The following NAALADL2 variants were observed in gnomAD, a reference collection of about 807,000 sequenced individuals.
NAALADL2 encodes the protein inactive N-acetylated-alpha-linked acidic dipeptidase-like protein 2.
A neutral mutation model predicts 87.2 loss-of-function variants in NAALADL2; 76 were observed. The ratio of observed to expected loss-of-function variants is 0.87; its 90% CI spans 0.72 to 1.05. The LOEUF is 1.05. Among genes scored for constraint, NAALADL2 ranks in the 50% least tolerant of loss-of-function variants. The pLI is 0.00. For missense variants in NAALADL2, 1,089 were observed against 945.8 expected (o/e 1.15, Z -1.99); for synonymous variants, 354 against 331.0 (o/e 1.07, Z -0.75).
intron 1 of NAALADL2, among the ~76,000 whole-genome samples, chr3:174,519,031 T>C (rs188303653): frequency 6.6e-6 from 1 of 152,318 alleles, no homozygotes; most frequent in East Asian, 1.9e-4. Flanking sequence ...TCTCTCTGTA[T>C]TTCTTTATCT....
At chr3:174,674,762 G>T (rs1384868720) in intron 2 of NAALADL2, among the ~76,000 whole-genome samples, 1 of 151,742 alleles carries the variant, frequency 6.6e-6, no homozygotes, top group East Asian at 1.9e-4. Flanking sequence ...CTCTTTGTAT[G>T]TTTTTTTCTG....
At chr3:175,489,854 T>C (rs1032066659) in intron 9 of NAALADL2, among the ~76,000 whole-genome samples, 6 of 152,202 alleles carry the variant, frequency 3.9e-5, no homozygotes, top group African/African-American at 1.4e-4. Context: ...ATGAAACTAC[T>C]GTAAGTAGAA....
chr3:175,447,875 G>T (rs540458580), intron 6 of NAALADL2, among the ~76,000 whole-genome samples: 1 of 152,172 alleles, frequency 6.6e-6, no homozygotes, highest in Non-Finnish European at 1.5e-5. Context: ...GTTGGACCAC[G>T]TAGGATGAAA....
chr3:175,645,799 C>T lies in NAALADL2; in HGVS notation c.1896+18413C>T, dbSNP rs74715961. 1.6e-3 allele frequency among the ~76,000 whole-genome samples: 240 copies of T among 152,188 alleles called. 3 individuals are homozygous for T. The East Asian group carries it at 0.032, about 20-fold the overall frequency. ...TGAGATAGAAAGCAAGTTTCCAAGA[C>T]AGTGTGAAAGGGTTCTAAAAACCAA... On this transcript the variant is annotated intron_variant, in intron 11 of 13. Transcript: ENST00000454872.
intron 1 of NAALADL2, among the ~76,000 whole-genome samples, chr3:175,046,839 A>G (rs1232696670): frequency 6.6e-6 from 1 of 152,200 alleles, no homozygotes; most frequent in Non-Finnish European, 1.5e-5. Flanking sequence ...AGTGAAAGCC[A>G]GCAACCTAGA....
At chr3:175,666,544 A>G (rs918142913) in intron 11 of NAALADL2, among the ~76,000 whole-genome samples, 4 of 152,152 alleles carry the variant, frequency 2.6e-5, no homozygotes, top group African/African-American at 7.2e-5. Context: ...CCAGGCACCA[A>G]TATAACATGA....
chr3:175,339,799 T>C (rs1762394885), intron 5 of NAALADL2, among the ~76,000 whole-genome samples: 1 of 152,096 alleles, frequency 6.6e-6, no homozygotes, highest in Non-Finnish European at 1.5e-5. Context: ...GGATAGACAC[T>C]ATGTTCAGAG....
intron 10 of NAALADL2, among the ~76,000 whole-genome samples, chr3:175,609,816 C>A (rs192121584): frequency 6.6e-6 from 1 of 152,096 alleles, no homozygotes; most frequent in African/African-American, 2.4e-5. Flanking sequence ...GTATTGTGAA[C>A]GACTTGCAGT....
chr3:174,573,073 C>T (rs921571346), intron 2 of NAALADL2, among the ~76,000 whole-genome samples: 5 of 152,088 alleles, frequency 3.3e-5, no homozygotes, highest in Non-Finnish European at 7.4e-5. Flanking sequence ...AGATTACCAC[C>T]GCATCACTAC....
intron 11 of NAALADL2, among the ~76,000 whole-genome samples, chr3:175,654,043 T>C (rs1404094632): frequency 6.6e-6 from 1 of 152,196 alleles, no homozygotes; most frequent in Non-Finnish European, 1.5e-5. Flanking sequence ...CATGGGCTGA[T>C]TGTTGTACAA....
At chr3:175,468,466 A>G (rs1582016944) in intron 8 of NAALADL2, among the ~76,000 whole-genome samples, 1 of 152,226 alleles carries the variant, frequency 6.6e-6, no homozygotes, top group East Asian at 1.9e-4. Flanking sequence ...AGTTTAGGGA[A>G]TATGTTTGTA....
At chr3:175,145,722 T>G (rs192077978) in intron 2 of NAALADL2, among the ~76,000 whole-genome samples, 1 of 152,062 alleles carries the variant, frequency 6.6e-6, no homozygotes, top group Admixed American at 6.6e-5. Context: ...CAAAACTAAA[T>G]GCTTTCTACT....
intron 5 of NAALADL2, among the ~76,000 whole-genome samples, chr3:175,404,938 A>G (rs1348311043): frequency 1.3e-5 from 2 of 152,114 alleles, no homozygotes; most frequent in South Asian, 4.1e-4. Context: ...AAATATTTTA[A>G]TTTTATTATC....
At chr3:174,552,956 A>T (rs1176295233) in intron 2 of NAALADL2, among the ~76,000 whole-genome samples, 1 of 152,154 alleles carries the variant, frequency 6.6e-6, no homozygotes, top group South Asian at 2.1e-4. Flanking sequence ...CTATAGACAT[A>T]TGTTACACGT....
intron 1 of NAALADL2, among the ~76,000 whole-genome samples, chr3:175,046,476 G>A (rs1393245207): frequency 3.3e-5 from 5 of 151,960 alleles, no homozygotes; most frequent in Non-Finnish European, 7.4e-5. Context: ...TAATATGAAT[G>A]TCTGGTTTAT....
intron 3 of NAALADL2, among the ~76,000 whole-genome samples, chr3:174,832,049 CA>C (rs1159564552): frequency 1.3e-5 from 2 of 151,922 alleles, no homozygotes; most frequent in African/African-American, 4.8e-5. Context: ...TTGATCCTTT[CA>C]AAAAACCAGC....
At chr3:174,997,061 T>A (rs866417654) in intron 1 of NAALADL2, among the ~76,000 whole-genome samples, 2,456 of 146,344 alleles carry the variant, frequency 0.017, 52 homozygotes, top group African/African-American at 0.046. Context: ...TATATATATT[T>A]TTTTTTTTAA....
At chr3:174,675,331 A>G (rs772180590) in intron 2 of NAALADL2, among the ~76,000 whole-genome samples, 14 of 152,030 alleles carry the variant, frequency 9.2e-5, no homozygotes, top group Non-Finnish European at 2.1e-4. Flanking sequence ...GTTAACCTTC[A>G]TCTGAATTGC....
intron 9 of NAALADL2, among the ~76,000 whole-genome samples, chr3:175,472,019 A>G (rs1724981479): frequency 6.6e-6 from 1 of 151,394 alleles, no homozygotes; most frequent in South Asian, 2.1e-4. Context: ...ATACAAAAAT[A>G]TATTTTTAAA....
Sources: allele counts gnomAD v4.1 joint callset (sites outside exome capture counted in the v4.1 genomes callset), GRCh38; gene constraint gnomAD v4.1.1; transcripts MANE v1.5; gene names NCBI Gene and HGNC (gene_info 2026-07-23, HGNC 2026-07-21).